Variants in PEBP4 observed in about 807,000 individuals in gnomAD.
PEBP4 encodes the protein phosphatidylethanolamine-binding protein 4.
PEBP4 carries 22 observed loss-of-function variants against 23.9 expected under a neutral mutation model. The ratio of observed to expected loss-of-function variants is 0.92; its 90% confidence interval spans 0.66 to 1.31. The LOEUF (loss-of-function observed/expected upper bound fraction) is 1.31, where lower values mean the gene tolerates loss of function less well. PEBP4 is among the 40% of genes most tolerant of loss of function. The pLI is 0.00. For synonymous variants in PEBP4, 112 were observed against 99.3 expected, an observed-to-expected ratio of 1.13 and a Z score of -0.76; for missense variants, 324 against 281.7, an observed-to-expected ratio of 1.15 and a Z score of -1.07.
chr8:22,838,709 C>A (rs921533314), intron 3 of PEBP4, among the ~76,000 whole-genome samples: 5 of 152,254 alleles, frequency 3.3e-5, no homozygotes, highest in African/African-American at 1.2e-4. Flanking sequence ...CCAGGCCTGG[C>A]GCTGAGCTGT....
At chr8:22,849,456 G>C (rs1185382958) in intron 3 of PEBP4, among the ~76,000 whole-genome samples, 2 of 152,248 alleles carry the variant, frequency 1.3e-5, no homozygotes, top group African/African-American at 4.8e-5. Context: ...GGCAGAAGGA[G>C]AGGGTGGAAG....
chr8:22,865,870 G>A lies in PEBP4; in HGVS notation c.259-48135C>T, dbSNP rs928138989. 2.0e-5 allele frequency among the ~76,000 whole-genome samples: 3 copies of A among 152,082 alleles called. No individual in the cohort carries two copies. The East Asian group carries it at 5.8e-4, about 30-fold the overall frequency. On this transcript the variant is annotated intron_variant, in intron 3 of 6. Transcript: ENST00000256404. This position sits in a 1 kb window ranked among gnomAD's most constrained non-coding sequence, Gnocchi z 6.9. The stretch of plus-strand genomic sequence containing the variant: ...CAAGACTGAGCGCAGGGCCCACCCC[G>A]GCTGTCCCAGCTCGGGCGCCCCAAA...
At chr8:22,806,562 C>T (rs1303360635) in intron 4 of PEBP4, among the ~76,000 whole-genome samples, 1 of 150,652 alleles carries the variant, frequency 6.6e-6, no homozygotes, top group Non-Finnish European at 1.5e-5. Context: ...TTGCAATGAG[C>T]CGAGATCATG....
intron 4 of PEBP4, among the ~76,000 whole-genome samples, chr8:22,737,245 G>T (rs1007804777): frequency 7.5e-6 from 1 of 133,652 alleles, no homozygotes; most frequent in Non-Finnish European, 1.5e-5. Context: ...AGTGAGATCA[G>T]ATTGAGCCAC....
At position 22,713,850 on chromosome 8, in the gene PEBP4, G is replaced by A. The variant is rs558923352; in HGVS notation, c.518-314C>T. Among the ~76,000 whole-genome samples the A allele has an allele frequency of 3.3e-5, 5 of 152,294 alleles. No individual in the cohort carries two copies. The South Asian group carries it at 8.3e-4, about 25-fold the overall frequency. ...TTAGCAAAACTGCCTTCTCGCTCCC[G>A]CTCCCGGGCAGAAAGGAAGCCCAGT... On this transcript the variant is annotated intron_variant, in intron 6 of 6. Coordinates refer to ENST00000256404, the MANE Select transcript of PEBP4 (RefSeq NM_144962.3).
chr8:22,734,968 G>A (rs1294221144), intron 4 of PEBP4, among the ~76,000 whole-genome samples: 2 of 152,174 alleles, frequency 1.3e-5, no homozygotes, highest in African/African-American at 4.8e-5. Context: ...GGCTTGAAAA[G>A]TACAGGCTGT....
intron 4 of PEBP4, among the ~76,000 whole-genome samples, chr8:22,746,413 C>T (rs1356716361): frequency 2.0e-5 from 3 of 152,178 alleles, no homozygotes; most frequent in Non-Finnish European, 2.9e-5. Flanking sequence ...TCTGGTCCTT[C>T]TGGACTAGGA....
At chr8:22,743,711 AAG>A (rs1332962828) in intron 4 of PEBP4, among the ~76,000 whole-genome samples, 12 of 152,202 alleles carry the variant, frequency 7.9e-5, no homozygotes, top group African/African-American at 2.9e-4. Context: ...CCTGATTCTT[AAG>A]AGTGTCAACA....
At chr8:22,776,783 G>A (rs111776481) in intron 4 of PEBP4, among the ~76,000 whole-genome samples, 21 of 144,676 alleles carry the variant, frequency 1.5e-4, no homozygotes, top group African/African-American at 4.9e-4. Context: ...TTTTCTGATC[G>A]GGCATCCGAG....
chr8:22,727,261 G>A lies in PEBP4; in HGVS notation c.358-41C>T, dbSNP rs1264152619. ...AGCAGGGCTGTAGGTTATGTCTTGG[G>A]CACACTTCAGGCCACGTGGGCTCTG... On this transcript the variant is annotated intron_variant, in intron 4 of 6. Coordinates refer to ENST00000256404, the MANE Select transcript of PEBP4 (RefSeq NM_144962.3). 8 of 1,605,898 alleles carry A rather than the reference G, an allele frequency of 5.0e-6. No homozygotes were observed. The South Asian group carries it at 5.6e-5, about 11-fold the overall frequency.
At chr8:22,742,118 A>T (rs746089890) in intron 4 of PEBP4, among the ~76,000 whole-genome samples, 1 of 152,180 alleles carries the variant, frequency 6.6e-6, no homozygotes, top group East Asian at 1.9e-4. Context: ...GGATTCTAGG[A>T]CACCAGGCCC....
intron 2 of PEBP4, among the ~76,000 whole-genome samples, chr8:22,921,224 C>A (rs1369830944): frequency 2.6e-5 from 4 of 152,190 alleles, no homozygotes; most frequent in South Asian, 2.1e-4. Flanking sequence ...TGACCTAAGT[C>A]CTCTGTAGGG....
chr8:22,739,592 G>A (rs1340334190), intron 4 of PEBP4, among the ~76,000 whole-genome samples: 4 of 152,106 alleles, frequency 2.6e-5, no homozygotes, highest in African/African-American at 4.8e-5. Context: ...GGGGAGTGGT[G>A]CCCCAGGGCT....
At chr8:22,930,402 T>C (rs923130887), upstream of PEBP4, among the ~76,000 whole-genome samples, 3 of 152,190 alleles carry the variant, frequency 2.0e-5, no homozygotes, top group Admixed American at 1.3e-4. Context: ...AATTATTTTA[T>C]AGTTATTTGC....
chr8:22,909,350 C>T (rs1300571237), intron 3 of PEBP4, among the ~76,000 whole-genome samples: 2 of 152,146 alleles, frequency 1.3e-5, no homozygotes, highest in Non-Finnish European at 2.9e-5. Flanking sequence ...CCTGGGAGTT[C>T]GAATGTGTAA....
intron 1 of PEBP4, among the ~76,000 whole-genome samples, chr8:22,937,800 G>A (rs1361134457): frequency 1.0e-3 from 6 of 5,866 alleles, no homozygotes; most frequent in African/African-American, 1.0e-3. Context: ...GTGTATGTAT[G>A]TGTGTGTGTG....
chr8:22,906,883 C>CA (rs1446935405), intron 3 of PEBP4, among the ~76,000 whole-genome samples: 1 of 151,654 alleles, frequency 6.6e-6, no homozygotes, highest in African/African-American at 2.4e-5. Context: ...AATGAACAAG[C>CA]AAAAAACGTA....
chr8:22,913,881 G>A (rs758101252), intron 3 of PEBP4, among the ~76,000 whole-genome samples: 14 of 152,042 alleles, frequency 9.2e-5, no homozygotes, highest in Non-Finnish European at 1.8e-4. Context: ...CACAATCATA[G>A]CTCCTTAGCC....
At chr8:22,754,723 G>A (rs888125288) in intron 4 of PEBP4, 1 of 152,274 alleles carries the variant, frequency 6.6e-6, no homozygotes, top group Non-Finnish European at 1.5e-5. Context: ...TAGGCAGGGA[G>A]TATGGATCAC....
Sources: gnomAD v4.1 joint callset for allele counts (sites outside exome capture counted in the v4.1 genomes callset) on GRCh38, gnomAD v4.1.1 for gene constraint, Gnocchi (gnomAD v3.1) non-coding constraint, MANE v1.5 for transcripts, NCBI Gene and HGNC (gene_info 2026-07-23, HGNC 2026-07-21) for gene names.